Variants in TMEM232 observed in about 807,000 individuals in gnomAD.
The protein encoded by TMEM232 is transmembrane protein 232.
TMEM232 carries 80 observed loss-of-function variants against 78.8 expected under a neutral mutation model. The observed-to-expected ratio is 1.01, with a 90% confidence interval of 0.85 to 1.22. The LOEUF is 1.22. Ranked by LOEUF, TMEM232 falls within the 50% of genes most tolerant of loss-of-function variation. The probability of loss-of-function intolerance (pLI) is 0.00; values close to 1 mark genes in which losing one functional copy is unlikely to be tolerated. For synonymous variants in TMEM232, 297 were observed against 254.3 expected, an observed-to-expected ratio of 1.17 and a Z score of -1.60; for missense variants, 881 against 742.2, an observed-to-expected ratio of 1.19 and a Z score of -2.17.
At chr5:110,557,729 AG>A (rs1775271769) in intron 11 of TMEM232, among the ~76,000 whole-genome samples, 4 of 152,114 alleles carry the variant, frequency 2.6e-5, no homozygotes, top group Non-Finnish European at 5.9e-5. Flanking sequence ...GAACAATACT[AG>A]GGGGATGGTG....
In TMEM232 at chr5:110,568,530, T is replaced by G; in HGVS notation, c.1372A>C (p.Arg458=). The G allele has an allele frequency of 1.0e-5, 16 of 1,549,684 alleles. No individual in the cohort carries two copies. The highest frequency in any genetic ancestry group is 1.4e-5 in the Non-Finnish European group (16 of 1,145,764). ...TGCAATGTTTGCCATATCATGTTTC[T>G]AAGTCCATCCTGTTCTTCGTCTCCT... ...LQGDEEQDGL[R]NMIWQTLQKT... is the part of the protein sequence containing the mutation. The change falls in exon 11 of 14, where the codon AGA becomes CGA. Residue 458 remains arginine, a synonymous_variant. Transcript: ENST00000455884.
chr5:110,625,437 T>C lies in TMEM232; in HGVS notation c.602-4A>G, dbSNP rs1210530909. On this transcript the variant is annotated splice_polypyrimidine_tract_variant and splice_region_variant and intron_variant, in intron 6 of 13. Transcript: ENST00000455884. ...GATGCTCCAGAGAAAGAAAGTGCTA[T>C]TGTAAGAAAAATCATCTGTGAGAAA... 8.0e-6 allele frequency: 12 copies of C among 1,501,668 alleles called. No homozygotes were observed. The highest frequency in any genetic ancestry group is 1.1e-5 in the Non-Finnish European group (12 of 1,123,806). The allele number at this position is 1,501,668 out of a possible 1,614,324, so 93.0% of individuals were successfully genotyped here. A position where few individuals can be genotyped will look rare whatever the true frequency, so the allele number is the denominator to read the frequency against.
intron 2 of TMEM232, among the ~76,000 whole-genome samples, chr5:110,406,310 G>A (rs1283779868): frequency 1.2e-4 from 11 of 93,766 alleles, no homozygotes; most frequent in African/African-American, 2.0e-4. Flanking sequence ...ACACACATAT[G>A]TGTCTATATA....
At chr5:110,402,161 C>T (rs905811613) in intron 2 of TMEM232, among the ~76,000 whole-genome samples, 4 of 152,084 alleles carry the variant, frequency 2.6e-5, no homozygotes, top group Admixed American at 2.6e-4. Flanking sequence ...TGCATCATTG[C>T]TCATTTCCTA....
chr5:110,587,691 A>ATATGTGTG (rs1209205049), intron 10 of TMEM232, among the ~76,000 whole-genome samples: 96 of 63,116 alleles, frequency 1.5e-3, no homozygotes, highest in South Asian at 2.4e-3. Context: ...ATATATATAT[A>ATATGTGTG]TGTGTGTGTG....
At position 110,606,211 on chromosome 5, in the gene TMEM232, C is replaced by A. The variant is rs374220227; in HGVS notation, c.979G>T (p.Asp327Tyr). The A allele has an allele frequency of 1.3e-6, 2 of 1,548,038 alleles. No individual in the cohort carries two copies. The highest frequency in any genetic ancestry group is 1.7e-6 in the Non-Finnish European group (2 of 1,144,574). The part of the protein sequence containing the change: ...LNMACLKALM[D>Y]VVRDFVSSIM... ...CTTGAAACAAAATCTCTCACTACGT[C>A]CATTAAAGCTTTCAAGCAGGCCATG... Residue 327 changes from aspartate to tyrosine, a missense_variant, in exon 9 of 14, where the codon GAC becomes TAC. By Grantham distance (160) the Asp-to-Tyr change is radical (BLOSUM62 -3). Coordinates refer to ENST00000455884, the MANE Select transcript of TMEM232 (RefSeq NM_001039763.4).
intron 12 of TMEM232, among the ~76,000 whole-genome samples, chr5:110,470,242 G>A (rs1580813189): frequency 6.6e-6 from 1 of 152,114 alleles, no homozygotes; most frequent in South Asian, 2.1e-4. Flanking sequence ...GCTGTGCCCT[G>A]CCCGTAGGGT....
chr5:110,707,470 T>C (rs984225705), intron 1 of TMEM232, among the ~76,000 whole-genome samples: 3 of 152,210 alleles, frequency 2.0e-5, no homozygotes, highest in Non-Finnish European at 4.4e-5. Context: ...GGACCAGACT[T>C]AGCTAGGAGG....
chr5:110,510,051 T>C (rs1767537048), intron 12 of TMEM232, among the ~76,000 whole-genome samples: 1 of 152,216 alleles, frequency 6.6e-6, no homozygotes, highest in Non-Finnish European at 1.5e-5. Context: ...ATATATTGAA[T>C]GGTGACATTC....
intron 11 of TMEM232, among the ~76,000 whole-genome samples, chr5:110,551,741 T>C (rs1774489819): frequency 6.6e-6 from 1 of 152,130 alleles, no homozygotes. Flanking sequence ...AGAGAAATCC[T>C]AAAACCAGAG....
At chr5:110,623,021 A>AAT in intron 7 of TMEM232, among the ~76,000 whole-genome samples, 1 of 149,620 alleles carries the variant, frequency 6.7e-6, no homozygotes, top group South Asian at 2.1e-4. Context: ...TAAATAAATA[A>AAT]AAAGAAAATT....
At chr5:110,668,966 C>A (rs528686429) in intron 1 of TMEM232, among the ~76,000 whole-genome samples, 1 of 152,112 alleles carries the variant, frequency 6.6e-6, no homozygotes, top group African/African-American at 2.4e-5. Flanking sequence ...ATCTCTGGGA[C>A]ACATTTAAAG....
upstream of TMEM232, chr5:110,738,286 CA>C (rs1405651726): frequency 7.9e-7 from 1 of 1,264,956 alleles, no homozygotes; most frequent in East Asian, 5.9e-5. Context: ...CTCAGTTATT[CA>C]ATTAGAGGTC....
At chr5:110,429,747 G>C (rs1757623819) in intron 12 of TMEM232, 1 of 151,550 alleles carries the variant, frequency 6.6e-6, no homozygotes, top group Non-Finnish European at 1.5e-5. Context: ...AGGAAAACTG[G>C]GTACCATAGA....
intron 1 of TMEM232, among the ~76,000 whole-genome samples, chr5:110,686,674 A>G (rs927250387): frequency 6.6e-6 from 1 of 152,192 alleles, no homozygotes; most frequent in Admixed American, 6.5e-5. Context: ...CTTCAGTACA[A>G]ATAAGATTAT....
At chr5:110,493,791 T>C (rs146767928) in intron 12 of TMEM232, among the ~76,000 whole-genome samples, 114 of 152,154 alleles carry the variant, frequency 7.5e-4, no homozygotes, top group African/African-American at 2.7e-3. Flanking sequence ...TATCTTTTTT[T>C]TTTTAATACT....
intron 5 of TMEM232, chr5:110,628,948 T>C (rs968567759): frequency 6.6e-6 from 1 of 152,058 alleles, no homozygotes; most frequent in African/African-American, 2.4e-5. Context: ...CTAATAAATT[T>C]TGAGAATGCA....
chr5:110,437,403 A>G lies in TMEM232; in HGVS notation c.1704-12487T>C, dbSNP rs796657974. The stretch of plus-strand genomic sequence containing the variant: ...ATAAAAAATACAATTTTAAAGATGC[A>G]TATATTTATGAAAGGCTATAAAGAA... On this transcript the variant is annotated intron_variant, in intron 12 of 13. Coordinates refer to ENST00000455884, the MANE Select transcript of TMEM232 (RefSeq NM_001039763.4). Among the ~76,000 whole-genome samples, 6 of 152,026 alleles carry G rather than the reference A, an allele frequency of 3.9e-5. No homozygotes were observed. In the South Asian group the frequency reaches 1.2e-3, roughly 31 times the overall value.
chr5:110,639,519 G>A (rs889470051), intron 4 of TMEM232, among the ~76,000 whole-genome samples: 2 of 152,026 alleles, frequency 1.3e-5, no homozygotes, highest in African/African-American at 4.8e-5. Context: ...ATGTGCATGA[G>A]GACTGTGATG....
Sources: allele counts gnomAD v4.1 joint callset (sites outside exome capture counted in the v4.1 genomes callset), GRCh38; gene constraint gnomAD v4.1.1; transcripts MANE v1.5; gene names NCBI Gene and HGNC (gene_info 2026-07-23, HGNC 2026-07-21).